Variants in RNF2 observed in about 807,000 individuals in gnomAD.
The protein encoded by RNF2 is E3 ubiquitin-protein ligase RING2.
RNF2 carries 6 observed loss-of-function variants against 37.2 expected under a neutral mutation model. That is an observed-to-expected ratio of 0.16 (90% CI 0.09 to 0.32). The LOEUF (loss-of-function observed/expected upper bound fraction) is 0.32. Ranked by LOEUF, RNF2 falls within the 10% of genes least tolerant of loss-of-function variation. The probability of loss-of-function intolerance (pLI) is 1.00; values close to 1 mark genes in which losing one functional copy is unlikely to be tolerated. For missense variants in RNF2, 251 were observed against 404.0 expected (o/e 0.62, Z 3.25); for synonymous variants, 133 against 132.7 (o/e 1.00, Z -0.02).
At chr1:185,063,565 G>C (rs1287595543) in intron 1 of RNF2, among the ~76,000 whole-genome samples, 1 of 152,148 alleles carries the variant, frequency 6.6e-6, no homozygotes, top group African/African-American at 2.4e-5. Context: ...GGTTCAACTG[G>C]TGTATAAGTT....
At chr1:185,063,500 C>T (rs1000777821) in intron 1 of RNF2, among the ~76,000 whole-genome samples, 1 of 152,020 alleles carries the variant, frequency 6.6e-6, no homozygotes, top group African/African-American at 2.4e-5. Context: ...GCAAATAAAC[C>T]GAAGTTCGCA....
At chr1:185,096,650 C>T (rs920646346) in intron 4 of RNF2, among the ~76,000 whole-genome samples, 11 of 151,810 alleles carry the variant, frequency 7.2e-5, no homozygotes, top group African/African-American at 2.7e-4. Flanking sequence ...ACTTTTGTGC[C>T]TGGTTTATAT....
At chr1:185,097,091 C>T (rs1651934076) in intron 4 of RNF2, among the ~76,000 whole-genome samples, 1 of 152,096 alleles carries the variant, frequency 6.6e-6, no homozygotes, top group Non-Finnish European at 1.5e-5. Flanking sequence ...TAACTGGAGG[C>T]AAATTATTTA....
intron 1 of RNF2, among the ~76,000 whole-genome samples, chr1:185,067,596 G>T (rs956178063): frequency 7.2e-5 from 11 of 151,912 alleles, no homozygotes; most frequent in African/African-American, 2.7e-4. Context: ...TTAAAAGAGA[G>T]AGAAGGCATC....
intron 1 of RNF2, among the ~76,000 whole-genome samples, chr1:185,059,019 G>T (rs923462154): frequency 6.6e-6 from 1 of 152,070 alleles, no homozygotes; most frequent in African/African-American, 2.4e-5. Flanking sequence ...CTGGTTTCTT[G>T]TTCTAGCTTC....
At chr1:185,075,648 A>G (rs1039346929) in intron 1 of RNF2, among the ~76,000 whole-genome samples, 37 of 152,306 alleles carry the variant, frequency 2.4e-4, no homozygotes, top group African/African-American at 8.2e-4. Context: ...CAGGTCCTAC[A>G]TGTCTGGAGC....
chr1:185,069,250 C>T (rs147485299), intron 1 of RNF2, among the ~76,000 whole-genome samples: 40 of 152,072 alleles, frequency 2.6e-4, no homozygotes, highest in African/African-American at 9.2e-4. Flanking sequence ...CCCAGGAGTT[C>T]GAAACCAGTC....
intron 1 of RNF2, among the ~76,000 whole-genome samples, chr1:185,065,711 A>C (rs1650779237): frequency 6.6e-6 from 1 of 152,176 alleles, no homozygotes; most frequent in Admixed American, 6.5e-5. Context: ...CACCATCTTT[A>C]AGAGCTGTAA....
chr1:185,091,299 G>A (rs1571323857), intron 2 of RNF2, among the ~76,000 whole-genome samples: 1 of 152,208 alleles, frequency 6.6e-6, no homozygotes, highest in Non-Finnish European at 1.5e-5. Flanking sequence ...TCAATTTTTT[G>A]TATTATACCA....
chr1:185,075,907 C>T (rs1651136261), intron 1 of RNF2, among the ~76,000 whole-genome samples: 1 of 152,080 alleles, frequency 6.6e-6, no homozygotes, highest in Non-Finnish European at 1.5e-5. Context: ...AAAAATAGAG[C>T]CTATATAGAA....
At chr1:185,057,862 A>C (rs1489580581) in intron 1 of RNF2, among the ~76,000 whole-genome samples, 1 of 151,932 alleles carries the variant, frequency 6.6e-6, no homozygotes, top group Non-Finnish European at 1.5e-5. Context: ...TGGCCAGGCA[A>C]GGTAGCTCAT....
intron 1 of RNF2, among the ~76,000 whole-genome samples, chr1:185,066,396 G>C (rs1436024157): frequency 6.6e-6 from 1 of 152,100 alleles, no homozygotes; most frequent in East Asian, 1.9e-4. Flanking sequence ...TGGTCCTTCA[G>C]GACTGCTTTC....
chr1:185,101,068 G>A lies in RNF2; in HGVS notation c.*767G>A, dbSNP rs1449722126. ...ATAGTCTTCAAGTATACGTTTGAGA[G>A]TGCTTTTTTTTGTATTAGTTCTGCT... On this transcript the variant is annotated 3_prime_UTR_variant, in exon 7 of 7. Coordinates refer to ENST00000367510, the MANE Select transcript of RNF2 (RefSeq NM_007212.4). The A allele has an allele frequency of 5.2e-5, 8 of 152,420 alleles. 1 individual carries two copies. The highest frequency in any genetic ancestry group is 3.9e-4 in the Admixed American group (6 of 15,262). 9.4% of individuals were successfully genotyped at this position (152,420 alleles called of 1,614,324 possible).
At chr1:185,058,770 G>A (rs1246652027) in intron 1 of RNF2, among the ~76,000 whole-genome samples, 7 of 152,170 alleles carry the variant, frequency 4.6e-5, no homozygotes, top group Admixed American at 4.6e-4. Context: ...GGGCATTTCG[G>A]TATATGTATT....
intron 1 of RNF2, among the ~76,000 whole-genome samples, chr1:185,082,128 A>T (rs2102187175): frequency 6.6e-6 from 1 of 152,188 alleles, no homozygotes; most frequent in South Asian, 2.1e-4. Context: ...TTTGATTTTC[A>T]CTCAGCTCAT....
chr1:185,098,474 G>A, intron 5 of RNF2, 130 bp downstream of exon 5: 2 of 1,073,004 alleles, frequency 1.9e-6, no homozygotes, highest in East Asian at 2.5e-5. Context: ...GTTACTAGCT[G>A]CCTAGATTGT....
Position 185,087,577 on chromosome 1 carries a change from C to T in RNF2, c.24C>T (p.Asn8=), listed in dbSNP as rs201683390. MSQAVQT[N]GTQPLSKTWE... ...CAATGTCTCAGGCTGTGCAGACAAA[C>T]GGAACTCAACCATTAAGCAAAACAT... Residue 8 remains asparagine (N), a synonymous_variant, in exon 2 of 7, where the codon AAC becomes AAT. Transcript: ENST00000367510. 298 of 1,614,036 alleles carry T rather than the reference C, an allele frequency of 1.8e-4. No individual in the cohort carries two copies. The highest frequency in any genetic ancestry group is 2.7e-4 in the Admixed American group (16 of 60,010).
At chr1:185,084,055 C>A (rs1010064432) in intron 1 of RNF2, among the ~76,000 whole-genome samples, 5 of 151,996 alleles carry the variant, frequency 3.3e-5, no homozygotes, top group African/African-American at 9.7e-5. Flanking sequence ...AATCTTCCAG[C>A]CTTAGCCTCC....
intron 1 of RNF2, among the ~76,000 whole-genome samples, chr1:185,083,840 C>T (rs968614616): frequency 4.7e-5 from 7 of 149,928 alleles, no homozygotes; most frequent in Middle Eastern, 3.5e-3. Flanking sequence ...CTCTGGGACT[C>T]AAGTGATCTA....
Sources: allele counts gnomAD v4.1 joint callset (sites outside exome capture counted in the v4.1 genomes callset), GRCh38; gene constraint gnomAD v4.1.1; transcripts MANE v1.5; gene names NCBI Gene and HGNC (gene_info 2026-07-23, HGNC 2026-07-21).